Variants in CCDC169 observed in about 807,000 individuals in gnomAD.
CCDC169 encodes coiled-coil domain-containing protein 169.
Under a neutral mutation model 36.0 loss-of-function variants are expected in CCDC169, and 30 were observed. That is an observed-to-expected ratio of 0.83 (90% CI 0.62 to 1.13). The LOEUF is 1.13. Among genes scored for constraint, CCDC169 ranks in the 50% most tolerant of loss-of-function variants. CCDC169 has a pLI of 0.00. For synonymous variants in CCDC169, 85 were observed against 81.5 expected (o/e 1.04, Z -0.23); for missense variants, 245 against 245.9 (o/e 1.00, Z 0.03).
chr13:36,283,685 G>A lies in CCDC169; in HGVS notation c.181C>T (p.Arg61Cys), dbSNP rs577712251. The A allele has an allele frequency of 4.6e-5, 71 of 1,550,544 alleles. No homozygotes were observed. The East Asian group carries it at 6.1e-4, about 13-fold the overall frequency. ...TTTAATTCAAGTTGTGTCTCATAACGGGTTTTCCATTCACTACCTGAGTAA... is the reference window on the plus strand; with the variant it reads ...TTTAATTCAAGTTGTGTCTCATAACAGGTTTTCCATTCACTACCTGAGTAA... ...TDNEGSEWKT[R>C]YETQLELNDE... Residue 61 changes from arginine to cysteine, a missense_variant, in exon 3 of 8, where the codon CGT (arginine) becomes TGT (cysteine). Transcript: ENST00000239859.
chr13:36,252,331 A>G (rs1873274237), intron 6 of CCDC169, among the ~76,000 whole-genome samples: 1 of 152,202 alleles, frequency 6.6e-6, no homozygotes, highest in Non-Finnish European at 1.5e-5. Context: ...TCAATTTCTT[A>G]CTTACCTTAG....
At chr13:36,268,740 G>T (rs1875656084) in intron 4 of CCDC169, among the ~76,000 whole-genome samples, 1 of 152,086 alleles carries the variant, frequency 6.6e-6, no homozygotes, top group Non-Finnish European at 1.5e-5. Flanking sequence ...AAGAAAAGAA[G>T]AGAGAAGATC....
chr13:36,254,518 C>T (rs1190983675), intron 4 of CCDC169, among the ~76,000 whole-genome samples: 2 of 151,970 alleles, frequency 1.3e-5, no homozygotes, highest in Non-Finnish European at 2.9e-5. Context: ...CTCAGGTGAT[C>T]CACCCACCTC....
downstream of CCDC169, among the ~76,000 whole-genome samples, chr13:36,228,805 C>A (rs1033820796): frequency 9.9e-5 from 15 of 152,226 alleles, no homozygotes; most frequent in Admixed American, 4.6e-4. Context: ...CCCGCCTCAC[C>A]CTCCCAAAGT....
chr13:36,295,267 C>A (rs1879339974), intron 2 of CCDC169, among the ~76,000 whole-genome samples: 2 of 152,120 alleles, frequency 1.3e-5, no homozygotes, highest in African/African-American at 4.8e-5. Flanking sequence ...ACAGGGAAAA[C>A]AAAGGTCTTC....
At chr13:36,296,728 A>G (rs1385780829) in intron 1 of CCDC169, among the ~76,000 whole-genome samples, 1 of 152,212 alleles carries the variant, frequency 6.6e-6, no homozygotes, top group Non-Finnish European at 1.5e-5. Flanking sequence ...GCAAAGTTCC[A>G]CTGGATGCGT....
chr13:36,253,140 C>T (rs1057291394), intron 6 of CCDC169, among the ~76,000 whole-genome samples: 1 of 152,122 alleles, frequency 6.6e-6, no homozygotes, highest in Non-Finnish European at 1.5e-5. Context: ...TATAAGTACG[C>T]ACTTCTACTA....
At chr13:36,283,753 T>G in intron 2 of CCDC169, 51 bp from the exon 3 acceptor site, 2 of 1,323,652 alleles carry the variant, frequency 1.5e-6, no homozygotes, top group Non-Finnish European at 2.1e-6. Context: ...ACCTCTCATT[T>G]ATTCATTAAA....
At chr13:36,263,722 T>C (rs1248766785) in intron 4 of CCDC169, among the ~76,000 whole-genome samples, 1 of 152,308 alleles carries the variant, frequency 6.6e-6, no homozygotes, top group East Asian at 1.9e-4. Context: ...AAAAATTAAT[T>C]ACACACTAGT....
In CCDC169 at chr13:36,270,197, C is replaced by G. The variant is rs922979663; in HGVS notation, c.315+13272G>C. On this transcript the variant is annotated intron_variant, in intron 4 of 7. Coordinates refer to ENST00000239859, the MANE Select transcript of CCDC169 (RefSeq NM_001144981.3). Reference sequence around the variant, plus strand: ...AATAGCTGCAAAAACAAAACAACAACTAGGAATATACTTAAAGCAGGTGAA... The same window carrying G: ...AATAGCTGCAAAAACAAAACAACAAGTAGGAATATACTTAAAGCAGGTGAA... Among the ~76,000 whole-genome samples the G allele has an allele frequency of 2.8e-5, 4 of 143,932 alleles. No homozygotes were observed. In the Admixed American group the frequency reaches 2.9e-4, roughly 10 times the overall value. The allele number at this position is 143,932 out of a possible 152,430, so 94.4% of individuals were successfully genotyped here.
Position 36,230,994 on chromosome 13 carries a change from A to G in CCDC169, c.*199T>C. 1.5e-6 allele frequency: 2 copies of G among 1,347,262 alleles called. No individual in the cohort carries two copies. Among genetic ancestry groups the G allele is most frequent in the South Asian group, 1.8e-5 (1 of 54,642 alleles). 83.5% of individuals were successfully genotyped at this position (1,347,262 alleles called of 1,614,324 possible). ...TATTTTAAAACTCTCAAGCACTTCT[A>G]TTACATAGTTTAGGGTCACTGGAGA... On this transcript the variant is annotated 3_prime_UTR_variant, in exon 8 of 8. Transcript: ENST00000239859.
At chr13:36,284,979 A>G (rs1359900224) in intron 2 of CCDC169, among the ~76,000 whole-genome samples, 1 of 152,204 alleles carries the variant, frequency 6.6e-6, no homozygotes, top group Non-Finnish European at 1.5e-5. Flanking sequence ...AGAAGAAAGG[A>G]GAAGCCCTGA....
At chr13:36,276,269 G>A (rs551867333) in intron 4 of CCDC169, among the ~76,000 whole-genome samples, 69 of 152,198 alleles carry the variant, frequency 4.5e-4, no homozygotes, top group African/African-American at 1.7e-3. Flanking sequence ...CTTTTTCTAA[G>A]AATATTTTCA....
chr13:36,260,350 C>A lies in CCDC169; in HGVS notation c.316-6207G>T, dbSNP rs547568360. Among the ~76,000 whole-genome samples, 4 of 152,278 alleles carry A rather than the reference C, an allele frequency of 2.6e-5. No homozygotes were observed. The East Asian group carries it at 7.7e-4, about 29-fold the overall frequency. Reference sequence around the variant, plus strand: ...ACTGTATACTCTCAGTCGATTTTTACTTCCTGGTGAAAACTAACTTAGAAA... The same window carrying A: ...ACTGTATACTCTCAGTCGATTTTTAATTCCTGGTGAAAACTAACTTAGAAA... On this transcript the variant is annotated intron_variant, in intron 4 of 7. Transcript: ENST00000239859.
downstream of CCDC169, chr13:36,222,968 G>A (rs943525341): frequency 1.4e-4 from 22 of 152,066 alleles, no homozygotes; most frequent in African/African-American, 5.1e-4. Context: ...AGTCCCAGGA[G>A]GACAGGAAAG....
intron 7 of CCDC169, among the ~76,000 whole-genome samples, chr13:36,242,125 TC>T (rs1388138705): frequency 6.6e-6 from 1 of 152,222 alleles, no homozygotes; most frequent in Non-Finnish European, 1.5e-5. Flanking sequence ...AAACTTCTTT[TC>T]TTCATAAATT....
chr13:36,285,759 T>C (rs920334367), intron 2 of CCDC169, among the ~76,000 whole-genome samples: 1 of 152,152 alleles, frequency 6.6e-6, no homozygotes, highest in Non-Finnish European at 1.5e-5. Context: ...AGTGGCTTTA[T>C]TAACCCCAAC....
downstream of CCDC169, among the ~76,000 whole-genome samples, chr13:36,228,145 T>G (rs571323796): frequency 6.6e-6 from 1 of 152,314 alleles, no homozygotes; most frequent in South Asian, 2.1e-4. Flanking sequence ...TACATGTTTT[T>G]ACGTGGACAT....
chr13:36,264,077 G>C (rs1390412037), intron 4 of CCDC169, among the ~76,000 whole-genome samples: 3 of 152,094 alleles, frequency 2.0e-5, no homozygotes, highest in Admixed American at 1.3e-4. Flanking sequence ...AGTTCTAAAA[G>C]AAGTTAGCTT....
Sources: allele counts gnomAD v4.1 joint callset (sites outside exome capture counted in the v4.1 genomes callset), GRCh38; gene constraint gnomAD v4.1.1; transcripts MANE v1.5; gene names NCBI Gene and HGNC (gene_info 2026-07-23, HGNC 2026-07-21).